NUP153: variants seen among roughly 807,000 people sequenced by gnomAD.
The protein encoded by NUP153 is nuclear pore complex protein Nup153.
A neutral mutation model predicts 134.6 loss-of-function variants in NUP153; 27 were observed. The ratio of observed to expected loss-of-function variants is 0.20; its 90% CI spans 0.15 to 0.28. NUP153 has a LOEUF of 0.28. Among genes scored for constraint, NUP153 ranks in the 10% least tolerant of loss-of-function variants. The pLI, the probability that NUP153 is intolerant of heterozygous loss-of-function variation, is 1.00. For missense variants in NUP153, 1,821 were observed against 1,731.3 expected (o/e 1.05, Z -0.92); for synonymous variants, 640 against 623.5 (o/e 1.03, Z -0.40).
chr6:17,702,767 T>C (rs1319819740), intron 1 of NUP153, among the ~76,000 whole-genome samples: 2 of 152,198 alleles, frequency 1.3e-5, no homozygotes, highest in Non-Finnish European at 2.9e-5. Flanking sequence ...CAAGTAAGAA[T>C]GATCAGCTTG....
intron 1 of NUP153, among the ~76,000 whole-genome samples, chr6:17,695,404 ATTC>A (rs1246732234): frequency 1.3e-5 from 2 of 152,228 alleles, no homozygotes; most frequent in Non-Finnish European, 2.9e-5. Flanking sequence ...GTGACCTGTT[ATTC>A]TAATTAAGGC....
chr6:17,696,255 CAAAT>C (rs981817351), intron 1 of NUP153, among the ~76,000 whole-genome samples: 2 of 152,018 alleles, frequency 1.3e-5, no homozygotes, highest in African/African-American at 4.8e-5. Flanking sequence ...CAGCCACTAA[CAAAT>C]AAGAGTAAAA....
At chr6:17,663,254 C>CATAT (rs762269189) in intron 9 of NUP153, among the ~76,000 whole-genome samples, 11 of 138,288 alleles carry the variant, frequency 8.0e-5, no homozygotes, top group East Asian at 2.0e-4. Context: ...CACACACACA[C>CATAT]ACACACATAT....
intron 1 of NUP153, among the ~76,000 whole-genome samples, chr6:17,690,754 G>A (rs1769225064): frequency 6.6e-6 from 1 of 152,034 alleles, no homozygotes; most frequent in Non-Finnish European, 1.5e-5. Flanking sequence ...TACCTAGAAG[G>A]GAAACTCAAG....
rs1161321063 is a variant in NUP153 at position 17,615,402 on chromosome 6, A to G, written c.*695T>C. ...AATTTCAAGTTCACAGATTTATGTT[A>G]TGCCAAAAAGTACAGAAACAAAATT... On this transcript the variant is annotated 3_prime_UTR_variant, in exon 22 of 22. Coordinates refer to ENST00000262077, the MANE Select transcript of NUP153 (RefSeq NM_005124.4). The surrounding 1 kb of genome is among the most constrained non-coding windows in gnomAD (Gnocchi z 5.7). The G allele has an allele frequency of 6.5e-6, 1 of 152,672 alleles. No individual in the cohort carries two copies. The highest frequency in any genetic ancestry group is 1.5e-5 in the Non-Finnish European group (1 of 68,042). 9.5% of individuals were successfully genotyped at this position (152,672 alleles called of 1,614,324 possible). A position where few individuals can be genotyped will look rare whatever the true frequency, so the allele number is the denominator to read the frequency against.
chr6:17,694,070 GCACTGAATCAC>G (rs1262088634), intron 1 of NUP153, among the ~76,000 whole-genome samples: 4 of 151,422 alleles, frequency 2.6e-5, no homozygotes, highest in Non-Finnish European at 2.9e-5. Context: ...TTTATTGATA[GCACTGAATCAC>G]CATATTATAT....
chr6:17,690,366 C>T lies in NUP153; in HGVS notation c.112-1748G>A, dbSNP rs188583810. Among the ~76,000 whole-genome samples, 32 of 150,890 alleles carry T rather than the reference C, an allele frequency of 2.1e-4. No homozygotes were observed. The East Asian group carries it at 5.8e-3, about 27-fold the overall frequency. On this transcript the variant is annotated intron_variant, in intron 1 of 21. Coordinates refer to ENST00000262077, the MANE Select transcript of NUP153 (RefSeq NM_005124.4). ...AGCCAAGATCTCCTGGGCGACAGAG[C>T]GAGACTCCGTCTCAAAAAAAAAAGT... is the stretch of plus-strand genomic sequence containing the variant.
intron 2 of NUP153, 113 bp downstream of exon 2, chr6:17,688,283 C>G: frequency 1.4e-6 from 1 of 703,738 alleles, no homozygotes; most frequent in Non-Finnish European, 2.4e-6. Context: ...TTATCATCCT[C>G]TTCCCATATG....
rs1484345529 is a variant in NUP153, at chr6:17,706,653, T to C, written c.-266A>G. 1 of 542,088 alleles carries C rather than the reference T, an allele frequency of 1.8e-6. No homozygotes were observed. The highest frequency in any genetic ancestry group is 3.3e-6 in the Non-Finnish European group (1 of 305,618). The allele number at this position is 542,088 out of a possible 1,614,324, so 33.6% of individuals were successfully genotyped here. ...CCGCCTCTGCGGACCCCCGCCTCTG[T>C]GTGTGTCACGGTCTCTATGGAGATC... is the stretch of plus-strand genomic sequence containing the variant. On this transcript the variant is annotated 5_prime_UTR_variant, in exon 1 of 22. Coordinates refer to ENST00000262077, the MANE Select transcript of NUP153 (RefSeq NM_005124.4). The surrounding 1 kb of genome is among the most constrained non-coding windows in gnomAD (Gnocchi z 5.9).
chr6:17,657,565 A>C (rs1766907675), intron 11 of NUP153, among the ~76,000 whole-genome samples: 1 of 152,076 alleles, frequency 6.6e-6, no homozygotes, highest in Non-Finnish European at 1.5e-5. Context: ...CTGTCTCAAA[A>C]AAAACAAAAC....
At chr6:17,616,413 A>G (rs1158751012) in intron 21 of NUP153, 114 bp downstream of exon 21, 3 of 949,240 alleles carry the variant, frequency 3.2e-6, no homozygotes, top group Middle Eastern at 2.2e-4. Flanking sequence ...GTTGGAGAAC[A>G]TATTTAATTT....
intron 20 of NUP153, among the ~76,000 whole-genome samples, chr6:17,622,550 G>C (rs566325549): frequency 6.6e-6 from 1 of 152,306 alleles, no homozygotes; most frequent in East Asian, 1.9e-4. Context: ...CTAAAATGCT[G>C]TCTTTCCCCA....
chr6:17,682,799 T>C (rs1015077020), intron 2 of NUP153, among the ~76,000 whole-genome samples: 2 of 151,760 alleles, frequency 1.3e-5, no homozygotes, highest in Admixed American at 1.3e-4. Flanking sequence ...ATGCCTGTAG[T>C]CCCAGCTACT....
At position 17,665,322 on chromosome 6, in the gene NUP153, T is replaced by G. The variant is rs765755308; in HGVS notation, c.1132A>C (p.Asn378His). Residue 378 changes from asparagine to histidine, a missense_variant, in exon 9 of 22, where the codon AAT (asparagine) becomes CAT (histidine). By Grantham distance (68) the Asn-to-His change is moderately conservative. Coordinates refer to ENST00000262077, the MANE Select transcript of NUP153 (RefSeq NM_005124.4). ...GATGGTTTAAAATAAACACTTCGAT[T>G]TGTTGCTATGGAAACTGGCTTTGGG... The part of the protein sequence containing the change: ...MTPKPVSIAT[N>H]RSVYFKPSLT... 1.9e-6 allele frequency: 3 copies of G among 1,613,518 alleles called. No individual in the cohort carries two copies. Among genetic ancestry groups the G allele is most frequent in the Non-Finnish European group, 2.5e-6 (3 of 1,179,524 alleles).
chr6:17,661,617 A>G, intron 11 of NUP153, 36 bp downstream of exon 11: 4 of 1,585,088 alleles, frequency 2.5e-6, no homozygotes, highest in Non-Finnish European at 3.4e-6. Context: ...ATGCTTTTTA[A>G]ATAAACCTCA....
intron 20 of NUP153, among the ~76,000 whole-genome samples, chr6:17,622,278 T>G (rs1003703444): frequency 6.6e-6 from 1 of 152,126 alleles, no homozygotes; most frequent in Non-Finnish European, 1.5e-5. Context: ...GGCAAAACCC[T>G]GTCTCTACAA....
chr6:17,621,280 T>G (rs1008902987), intron 20 of NUP153, among the ~76,000 whole-genome samples: 1 of 152,206 alleles, frequency 6.6e-6, no homozygotes, highest in East Asian at 1.9e-4. Flanking sequence ...ATAACCGTTA[T>G]GGAAAACAGT....
At chr6:17,630,950 T>C (rs540221636) in intron 17 of NUP153, among the ~76,000 whole-genome samples, 5 of 152,230 alleles carry the variant, frequency 3.3e-5, no homozygotes, top group Admixed American at 3.3e-4. Context: ...TAAGAAGTAC[T>C]AAGATACTTA....
chr6:17,626,791 A>G (rs1764972510), intron 18 of NUP153, among the ~76,000 whole-genome samples: 1 of 152,184 alleles, frequency 6.6e-6, no homozygotes, highest in Admixed American at 6.5e-5. Flanking sequence ...TTTCCTTTCC[A>G]TGTGAATTTT....
Sources: allele counts gnomAD v4.1 joint callset (sites outside exome capture counted in the v4.1 genomes callset), GRCh38; gene constraint gnomAD v4.1.1; non-coding constraint Gnocchi (gnomAD v3.1); transcripts MANE v1.5; gene names NCBI Gene and HGNC (gene_info 2026-07-23, HGNC 2026-07-21).